LRRC39: variants seen among roughly 807,000 people sequenced by gnomAD.
LRRC39 encodes the protein leucine rich repeat containing 39, also known as leucine-rich repeat-containing protein 39.
A neutral mutation model predicts 39.7 loss-of-function variants in LRRC39; 35 were observed. The ratio of observed to expected loss-of-function variants is 0.88; its 90% CI spans 0.67 to 1.17. The LOEUF (loss-of-function observed/expected upper bound fraction) is 1.17, where lower values mean the gene tolerates loss of function less well. Among genes scored for constraint, LRRC39 ranks in the 50% most tolerant of loss-of-function variants. The pLI is 0.00. For synonymous variants in LRRC39, 113 were observed against 134.1 expected, an observed-to-expected ratio of 0.84 and a Z score of 1.09; for missense variants, 357 against 385.8, an observed-to-expected ratio of 0.93 and a Z score of 0.62.
chr1:100,152,642 A>C, intron 8 of LRRC39, 118 bp from the exon 9 acceptor site: 13 of 1,016,772 alleles, frequency 1.3e-5, no homozygotes, highest in African/African-American at 1.6e-5. Context: ...GGTTTCAATA[A>C]CTGAACGACT....
At chr1:100,166,872 C>A (rs563725400) in intron 3 of LRRC39, among the ~76,000 whole-genome samples, 1 of 152,120 alleles carries the variant, frequency 6.6e-6, no homozygotes, top group African/African-American at 2.4e-5. Flanking sequence ...TGCCAGCTGC[C>A]ATGTAAGATG....
In LRRC39 at chr1:100,171,993, T is replaced by C. The variant is rs1445437283; in HGVS notation, c.-79+1338A>G. ...TGAGGCTAAAAAATTTACATCCATC[T>C]CAAGAAGCTAGATAAAACAAACACA... is the stretch of plus-strand genomic sequence containing the variant. On this transcript the variant is annotated intron_variant, in intron 2 of 9. Transcript: ENST00000370137. Among the ~76,000 whole-genome samples, 3 of 151,980 alleles carry C rather than the reference T, an allele frequency of 2.0e-5. No individual in the cohort carries two copies. The East Asian group carries it at 5.8e-4, about 29-fold the overall frequency.
chr1:100,156,111 G>A, intron 7 of LRRC39, 61 bp downstream of exon 7: 1 of 1,518,794 alleles, frequency 6.6e-7, no homozygotes, highest in Non-Finnish European at 9.0e-7. Context: ...GTCTTGCTTG[G>A]TTATTTTTCA....
chr1:100,149,284 G>T (rs1657711539), intron 9 of LRRC39, 187 bp from the exon 10 acceptor site: 1 of 1,529,396 alleles, frequency 6.5e-7, no homozygotes, highest in Non-Finnish European at 8.8e-7. Context: ...TACAGATCTG[G>T]AAAGCACAAT....
chr1:100,173,802 T>G (rs185781094), intron 1 of LRRC39, among the ~76,000 whole-genome samples: 85 of 152,318 alleles, frequency 5.6e-4, no homozygotes, highest in African/African-American at 2.0e-3. Flanking sequence ...TGTGTCTATA[T>G]TCCAGCGGAA....
upstream of LRRC39, among the ~76,000 whole-genome samples, chr1:100,179,499 C>CAAAAAAAAAAAAAAA (rs60588308): frequency 2.2e-5 from 1 of 45,612 alleles, no homozygotes; most frequent in African/African-American, 8.2e-5. Context: ...CTGTATCTAC[C>CAAAAAAAAAAAAAAA]AAAAAAAAAA....
intron 1 of LRRC39, 143 bp downstream of exon 1, chr1:100,177,992 A>G (rs750647341): frequency 6.6e-6 from 1 of 152,218 alleles, no homozygotes; most frequent in African/African-American, 2.4e-5. Context: ...ACACCCCGCA[A>G]AAAAACTTTT....
Sources: gnomAD v4.1 joint callset for allele counts (sites outside exome capture counted in the v4.1 genomes callset) on GRCh38, gnomAD v4.1.1 for gene constraint, MANE v1.5 for transcripts, NCBI Gene and HGNC (gene_info 2026-07-23, HGNC 2026-07-21) for gene names.